N4BP2L1: variants seen among roughly 807,000 people sequenced by gnomAD.
N4BP2L1 encodes NEDD4 binding protein 2 like 1, also known as NEDD4-binding protein 2-like 1.
A neutral mutation model predicts 21.2 loss-of-function variants in N4BP2L1; 12 were observed. The ratio of observed to expected loss-of-function variants is 0.57; its 90% CI spans 0.36 to 0.92. The LOEUF (loss-of-function observed/expected upper bound fraction) is 0.92, where lower values mean the gene tolerates loss of function less well. Ranked by LOEUF, N4BP2L1 falls within the 40% of genes least tolerant of loss-of-function variation. The pLI, the probability that N4BP2L1 is intolerant of heterozygous loss-of-function variation, is 0.01. For missense variants in N4BP2L1, 259 were observed against 310.6 expected, an observed-to-expected ratio of 0.83 and a Z score of 1.25; for synonymous variants, 104 against 112.8, an observed-to-expected ratio of 0.92 and a Z score of 0.49.
chr13:32,403,553 T>C, intron 4 of N4BP2L1: 1 of 411,394 alleles, frequency 2.4e-6, no homozygotes, highest in Non-Finnish European at 4.7e-6. Flanking sequence ...CTACTTATGT[T>C]AATCAGTCCC....
At chr13:32,419,431 TTTTTTTTTTTTTTTTTG>T in intron 1 of N4BP2L1, 1 of 131,100 alleles carries the variant, frequency 7.6e-6, no homozygotes, top group Non-Finnish European at 1.6e-5. Context: ...TTTTTTTTTT[TTTTTTTTTTTTTTTTTG>T]TATTTTACAG....
chr13:32,407,412 C>T, intron 2 of N4BP2L1, 74 bp from the exon 3 acceptor site: 1 of 1,609,944 alleles, frequency 6.2e-7, no homozygotes, highest in Non-Finnish European at 8.5e-7. Flanking sequence ...CTCTATTCGT[C>T]ATTTTTATTA....
At chr13:32,411,355 T>A (rs1369960199) in intron 1 of N4BP2L1, among the ~76,000 whole-genome samples, 1 of 151,322 alleles carries the variant, frequency 6.6e-6, no homozygotes, top group Non-Finnish European at 1.5e-5. Context: ...GCCTGTATGA[T>A]CTTCCTGAAT....
intron 4 of N4BP2L1, chr13:32,403,586 C>T (rs769422313): frequency 4.4e-6 from 2 of 455,806 alleles, no homozygotes; most frequent in South Asian, 1.7e-5. Flanking sequence ...CTAGGAGATA[C>T]TTATTAAAAC....
intron 1 of N4BP2L1, among the ~76,000 whole-genome samples, chr13:32,415,477 T>C (rs1050810966): frequency 2.0e-5 from 3 of 152,256 alleles, no homozygotes; most frequent in African/African-American, 4.8e-5. Context: ...GTATTTACTC[T>C]GGTTATTTTT....
intron 3 of N4BP2L1, among the ~76,000 whole-genome samples, chr13:32,405,988 C>T (rs1009652589): frequency 4.0e-4 from 60 of 150,188 alleles, no homozygotes; most frequent in African/African-American, 1.4e-3. Context: ...CTGCAAGCTC[C>T]ACCTCCCGGG....
chr13:32,403,326 TAACA>T, intron 4 of N4BP2L1, 126 bp from the exon 5 acceptor site: 1 of 964,820 alleles, frequency 1.0e-6, no homozygotes, highest in Admixed American at 2.7e-5. Context: ...GGCAAAAGCA[TAACA>T]AACATCTTGT....
Position 32,402,628 on chromosome 13 carries a change from A to G in N4BP2L1, c.*314T>C. 5.6e-6 allele frequency: 6 copies of G among 1,074,594 alleles called. No individual in the cohort carries two copies. Among genetic ancestry groups the G allele is most frequent in the Non-Finnish European group, 6.8e-6 (6 of 885,290 alleles). 66.6% of individuals were successfully genotyped at this position (1,074,594 alleles called of 1,614,324 possible). A position where few individuals can be genotyped will look rare whatever the true frequency, so the allele number is the denominator to read the frequency against. On this transcript the variant is annotated 3_prime_UTR_variant, in exon 5 of 5. Coordinates refer to ENST00000380130, the MANE Select transcript of N4BP2L1 (RefSeq NM_052818.3). ...AATGGTACTGAAGCTTATATATAAT[A>G]TAAACACTTTATTTCATCTATGAAC...
chr13:32,403,773 A>G (rs1416397976), intron 4 of N4BP2L1: 2 of 536,056 alleles, frequency 3.7e-6, no homozygotes, highest in Admixed American at 3.9e-5. Flanking sequence ...TATTACCATA[A>G]GAGGAACCAG....
intron 1 of N4BP2L1, among the ~76,000 whole-genome samples, chr13:32,421,956 A>G (rs1004444962): frequency 9.9e-5 from 15 of 152,206 alleles, no homozygotes; most frequent in African/African-American, 3.6e-4. Context: ...GAACTAAGGC[A>G]TTGACTTATA....
chr13:32,422,280 C>T (rs147220184), intron 1 of N4BP2L1, among the ~76,000 whole-genome samples: 11 of 152,188 alleles, frequency 7.2e-5, no homozygotes, highest in African/African-American at 2.6e-4. Context: ...CATTATACGA[C>T]AGATCAAAAC....
intron 1 of N4BP2L1, chr13:32,426,079 G>T (rs1001133943): frequency 6.6e-6 from 1 of 152,126 alleles, no homozygotes; most frequent in Non-Finnish European, 1.5e-5. Context: ...GGACCCTAAG[G>T]ACCACTCAGG....
intron 1 of N4BP2L1, among the ~76,000 whole-genome samples, chr13:32,413,275 A>G (rs2073959280): frequency 6.6e-6 from 1 of 152,154 alleles, no homozygotes; most frequent in African/African-American, 2.4e-5. Context: ...CAATGGTCTC[A>G]AGAATATTTT....
At position 32,426,971 on chromosome 13, in the gene N4BP2L1, G is replaced by A. The variant is rs149509641; in HGVS notation, c.179+933C>T. ...GCGGGAGGGCAAGCCAGGCAGGAAG[G>A]CCAGCGTCAAGGAGAGAAGCGGCTT... is the stretch of plus-strand genomic sequence containing the variant. On this transcript the variant is annotated intron_variant, in intron 1 of 4. Coordinates refer to ENST00000380130, the MANE Select transcript of N4BP2L1 (RefSeq NM_052818.3). Among the ~76,000 whole-genome samples, 1,396 of 152,328 alleles carry A rather than the reference G, an allele frequency of 9.2e-3. 29 individuals are homozygous for A. Among genetic ancestry groups the A allele is most frequent in the African/African-American group, 0.032 (1,343 of 41,564 alleles).
At chr13:32,425,420 C>T (rs768187642) in intron 1 of N4BP2L1, 6 of 152,316 alleles carry the variant, frequency 3.9e-5, no homozygotes, top group Admixed American at 6.5e-5. Context: ...AACGGGAGGA[C>T]TCAAAGTCAA....
Position 32,403,208 on chromosome 13 carries a change from G to GA in N4BP2L1, c.474-9dup, listed in dbSNP as rs763452748. ...ACACCATGAATGTTTCTTCTACATG[G>GA]AAAAAAAATGCATTTAGTTAAGGCA... On this transcript the variant is annotated splice_polypyrimidine_tract_variant and intron_variant, in intron 4 of 4. Coordinates refer to ENST00000380130, the MANE Select transcript of N4BP2L1 (RefSeq NM_052818.3). 110 of 1,571,266 alleles carry GA rather than the reference G, an allele frequency of 7.0e-5. No homozygotes were observed. Among genetic ancestry groups the GA allele is most frequent in the Non-Finnish European group, 8.8e-5 (102 of 1,159,900 alleles).
chr13:32,419,445 T>TTTTTTTTTTTTTTTA (rs2074346034), intron 1 of N4BP2L1: 1 of 273,678 alleles, frequency 3.7e-6, no homozygotes, highest in Non-Finnish European at 6.8e-6. Context: ...TTTTTTTTTT[T>TTTTTTTTTTTTTTTA]TTGTATTTTA....
Position 32,427,880 on chromosome 13 carries a change from C to T in N4BP2L1, c.179+24G>A, listed in dbSNP as rs749736010. On this transcript the variant is annotated intron_variant, in intron 1 of 4. Coordinates refer to ENST00000380130, the MANE Select transcript of N4BP2L1 (RefSeq NM_052818.3). ...GTTTGGTGGCCCCGGGCCCGTGCAC[C>T]GGCGCCCAGACCGCTGTCATTACCT... The T allele has an allele frequency of 4.8e-5, 69 of 1,432,428 alleles. No homozygotes were observed. In the East Asian group the frequency reaches 1.3e-3, roughly 27 times the overall value. 88.7% of individuals were successfully genotyped at this position (1,432,428 alleles called of 1,614,324 possible).
At chr13:32,426,462 C>G (rs2074769672) in intron 1 of N4BP2L1, among the ~76,000 whole-genome samples, 1 of 152,024 alleles carries the variant, frequency 6.6e-6, no homozygotes. Flanking sequence ...GAAATGTGTC[C>G]CTGGTTTAGG....
Sources: gnomAD v4.1 joint callset for allele counts (sites outside exome capture counted in the v4.1 genomes callset) on GRCh38, gnomAD v4.1.1 for gene constraint, MANE v1.5 for transcripts, NCBI Gene and HGNC (gene_info 2026-07-23, HGNC 2026-07-21) for gene names.